Variants in CUL4A observed in about 807,000 individuals in gnomAD.
CUL4A encodes the protein cullin 4A, also known as cullin-4A.
Under a neutral mutation model 95.5 loss-of-function variants are expected in CUL4A, and 16 were observed. The ratio of observed to expected loss-of-function variants is 0.17; its 90% CI spans 0.11 to 0.25. The LOEUF is 0.25. Ranked by LOEUF, CUL4A falls within the 10% of genes least tolerant of loss-of-function variation. The pLI is 1.00. For synonymous variants in CUL4A, 380 were observed against 353.1 expected, an observed-to-expected ratio of 1.08 and a Z score of -0.85; for missense variants, 610 against 937.0, an observed-to-expected ratio of 0.65 and a Z score of 4.56.
At chr13:113,209,317 C>T (rs1286410714), upstream of CUL4A, among the ~76,000 whole-genome samples, 8 of 147,218 alleles carry the variant, frequency 5.4e-5, no homozygotes, top group Admixed American at 4.6e-4. Flanking sequence ...GGCAGGGTCT[C>T]GGTGCGCCCC....
At chr13:113,233,616 A>G in intron 6 of CUL4A, among the ~76,000 whole-genome samples, 1 of 152,246 alleles carries the variant, frequency 6.6e-6, no homozygotes, top group East Asian at 1.9e-4. Flanking sequence ...AAACAGAGAC[A>G]AAGCCAGATG....
chr13:113,232,223 C>T lies in CUL4A; in HGVS notation c.513-954C>T, dbSNP rs1595382512. Among the ~76,000 whole-genome samples the T allele has an allele frequency of 2.2e-4, 4 of 18,178 alleles. 1 individual carries two copies. The highest frequency in any genetic ancestry group is 4.9e-4 in the African/African-American group (3 of 6,096). The allele number at this position is 18,178 out of a possible 152,430, so 11.9% of individuals were successfully genotyped here. Reference sequence around the variant, plus strand: ...ACCCGCCCACCACCATTACTGCTGCCACCACTACCCGCCCACCACCATTAC... The same window carrying T: ...ACCCGCCCACCACCATTACTGCTGCTACCACTACCCGCCCACCACCATTAC... On this transcript the variant is annotated intron_variant, in intron 5 of 19. Transcript: ENST00000375440.
intron 2 of CUL4A, among the ~76,000 whole-genome samples, chr13:113,212,767 A>G (rs995927344): frequency 2.0e-5 from 3 of 152,242 alleles, no homozygotes; most frequent in Non-Finnish European, 4.4e-5. Flanking sequence ...CCTGAGCAAC[A>G]GAGTGAGACT....
rs566784766 is a variant in CUL4A at position 113,252,967 on chromosome 13, T to C, written c.1639-115T>C. The stretch of plus-strand genomic sequence containing the variant: ...ATGGAATCCAGAAAGTGTGAGAATA[T>C]AGAGCTGACCTTTTAATTCAGCCGT... On this transcript the variant is annotated intron_variant, in intron 15 of 19. Transcript: ENST00000375440. The C allele has an allele frequency of 1.7e-5, 9 of 544,892 alleles. No homozygotes were observed. In the South Asian group the frequency reaches 2.3e-4, roughly 14 times the overall value. 33.8% of individuals were successfully genotyped at this position (544,892 alleles called of 1,614,324 possible).
In CUL4A at chr13:113,263,498, G is replaced by T; in HGVS notation, c.2196G>T (p.Leu732Phe). ...TTCTTCTTTTTTAGCCTGGAGATTT[G>T]AAAAAGAGAATTGAATCTCTGATAG... is the stretch of plus-strand genomic sequence containing the variant. The part of the protein sequence containing the change: ...QLKFPVKPGD[L>F]KKRIESLIDR... The change falls in exon 20 of 20, where the codon TTG becomes TTT. Residue 732 changes from leucine (L) to phenylalanine (F), a missense_variant. Physicochemically the swap from Leu to Phe is conservative, Grantham distance 22. Coordinates refer to ENST00000375440, the MANE Select transcript of CUL4A (RefSeq NM_001008895.4). The T allele has an allele frequency of 6.3e-7, 1 of 1,598,690 alleles. No homozygotes were observed. The highest frequency in any genetic ancestry group is 1.1e-5 in the South Asian group (1 of 87,924).
rs201003509 is a variant in CUL4A at position 113,219,000 on chromosome 13, G to T, written c.320G>T (p.Arg107Leu). ...TCCCCAATGCTCTACAAGCAACTGCGTCAGGCCTGTGAAGACCACGTCCAG... is the reference window on the plus strand; with the variant it reads ...TCCCCAATGCTCTACAAGCAACTGCTTCAGGCCTGTGAAGACCACGTCCAG... Reference protein sequence around the residue: ...KVSPMLYKQLRQACEDHVQAQ... With the variant: ...KVSPMLYKQLLQACEDHVQAQ... The change falls in exon 3 of 20, where the codon CGT becomes CTT. Residue 107 changes from arginine to leucine, a missense_variant. This residue lies in a region of CUL4A where 168 missense variants were observed against 185.5 expected (regional missense o/e 0.91). Coordinates refer to ENST00000375440, the MANE Select transcript of CUL4A (RefSeq NM_001008895.4). 2 of 1,613,750 alleles carry T rather than the reference G, an allele frequency of 1.2e-6. No homozygotes were observed. The highest frequency in any genetic ancestry group is 2.2e-5 in the South Asian group (2 of 90,968).
At chr13:113,253,541 AAG>A (rs1441956133) in intron 16 of CUL4A, among the ~76,000 whole-genome samples, 3 of 152,298 alleles carry the variant, frequency 2.0e-5, no homozygotes, top group East Asian at 1.9e-4. Flanking sequence ...CTTTTTGACT[AAG>A]AGATTTGATG....
intron 9 of CUL4A, among the ~76,000 whole-genome samples, chr13:113,238,983 A>G (rs761898884): frequency 5.9e-5 from 9 of 152,258 alleles, no homozygotes; most frequent in Non-Finnish European, 1.3e-4. Flanking sequence ...TAAACACTTC[A>G]AAATATCCGA....
intron 3 of CUL4A, among the ~76,000 whole-genome samples, chr13:113,220,852 T>G (rs1183414960): frequency 6.6e-6 from 1 of 152,100 alleles, no homozygotes; most frequent in Non-Finnish European, 1.5e-5. Context: ...GTCGCAGGCT[T>G]ATGGGAGAGG....
intron 18 of CUL4A, among the ~76,000 whole-genome samples, chr13:113,258,213 A>T (rs1227754260): frequency 6.6e-6 from 1 of 151,148 alleles, no homozygotes; most frequent in East Asian, 1.9e-4. Context: ...CTGGTCTTGA[A>T]CTCCTGGGCT....
intron 3 of CUL4A, among the ~76,000 whole-genome samples, chr13:113,224,209 C>T (rs12868316): frequency 0.21 from 32,575 of 152,022 alleles, 3,992 homozygotes; most frequent in South Asian, 0.43. Flanking sequence ...AAAAATTAGC[C>T]GGGCGTGGTG....
chr13:113,224,313 AC>A (rs1329057715), intron 3 of CUL4A, among the ~76,000 whole-genome samples: 2 of 152,000 alleles, frequency 1.3e-5, no homozygotes, highest in Non-Finnish European at 2.9e-5. Flanking sequence ...AGATCGCACC[AC>A]TGCACTCCAG....
In CUL4A at chr13:113,243,097, C is replaced by A. The variant is rs2041765328; in HGVS notation, c.1165C>A (p.Leu389Met). The change falls in exon 11 of 20, where the codon CTG (leucine) becomes ATG (methionine). Residue 389 changes from leucine to methionine, a missense_variant. By Grantham distance (15) the Leu-to-Met change is conservative (BLOSUM62 2). Coordinates refer to ENST00000375440, the MANE Select transcript of CUL4A (RefSeq NM_001008895.4). ...CFQKNERFVN[L>M]MKESFETFIN... ...CCAGAAGAATGAGCGGTTCGTCAAC[C>A]TGATGAAGGAGTCCTTTGAGACGTT... is the stretch of plus-strand genomic sequence containing the variant. The A allele has an allele frequency of 6.2e-7, 1 of 1,614,066 alleles. No individual in the cohort carries two copies. Among genetic ancestry groups the A allele is most frequent in the Admixed American group, 1.7e-5 (1 of 60,002 alleles).
intron 5 of CUL4A, among the ~76,000 whole-genome samples, chr13:113,231,508 T>C (rs1200244166): frequency 6.6e-6 from 1 of 152,054 alleles, no homozygotes; most frequent in African/African-American, 2.4e-5. Context: ...GAGGTTGATG[T>C]TTTAAAGAGA....
At chr13:113,210,116 C>T in intron 2 of CUL4A, 28 bp downstream of exon 2, 1 of 1,398,922 alleles carries the variant, frequency 7.1e-7, no homozygotes, top group Middle Eastern at 2.1e-4. Flanking sequence ...GCTGGGGACG[C>T]CGCTCCTGCC....
chr13:113,253,005 A>T (rs1275196058), intron 15 of CUL4A, 77 bp from the exon 16 acceptor site: 1 of 617,570 alleles, frequency 1.6e-6, no homozygotes, highest in East Asian at 2.9e-5. Flanking sequence ...GAAATTGTAA[A>T]ACTCTGTGCA....
At position 113,263,902 on chromosome 13, in the gene CUL4A, G is replaced by C. The variant is rs2042352499; in HGVS notation, c.*320G>C. The C allele has an allele frequency of 2.9e-5, 6 of 206,154 alleles. No individual in the cohort carries two copies. Among genetic ancestry groups the C allele is most frequent in the Admixed American group, 5.9e-5 (1 of 16,872 alleles). The allele number at this position is 206,154 out of a possible 1,614,324, so 12.8% of individuals were successfully genotyped here. On this transcript the variant is annotated 3_prime_UTR_variant, in exon 20 of 20. Coordinates refer to ENST00000375440, the MANE Select transcript of CUL4A (RefSeq NM_001008895.4). The stretch of plus-strand genomic sequence containing the variant: ...AAAGGTCTTGTTCTTGTGTCAAAAA[G>C]CTGCAAGTTTGGTTTGTTCTCGTGT...
rs781384199 is a variant in CUL4A at position 113,219,022 on chromosome 13, C to T, written c.342C>T (p.Val114=). The T allele has an allele frequency of 6.4e-5, 103 of 1,611,530 alleles. No homozygotes were observed. Among genetic ancestry groups the T allele is most frequent in the Non-Finnish European group, 8.3e-5 (98 of 1,178,856 alleles). Residue 114 remains valine, a synonymous_variant, in exon 3 of 20, where the codon GTC becomes GTT. Coordinates refer to ENST00000375440, the MANE Select transcript of CUL4A (RefSeq NM_001008895.4). ...TGCGTCAGGCCTGTGAAGACCACGT[C>T]CAGGCACAGATCCTTCCGTTTAGAG... ...KQLRQACEDH[V]QAQILPFRED...
At chr13:113,218,910 A>G (rs1448176005) in intron 2 of CUL4A, 35 bp from the exon 3 acceptor site, 16 of 1,439,574 alleles carry the variant, frequency 1.1e-5, no homozygotes, top group Non-Finnish European at 1.5e-5. Flanking sequence ...TCTGTTGTTC[A>G]TACTGAAGAA....
Sources: allele counts gnomAD v4.1 joint callset (sites outside exome capture counted in the v4.1 genomes callset), GRCh38; gene constraint gnomAD v4.1.1; regional missense constraint gnomAD v4.1.1; transcripts MANE v1.5; gene names NCBI Gene and HGNC (gene_info 2026-07-23, HGNC 2026-07-21).